HDAC8: variants seen among roughly 807,000 people sequenced by gnomAD.
The protein encoded by HDAC8 is histone deacetylase-like 1.
Under a neutral mutation model 32.2 loss-of-function variants are expected in HDAC8, and 1 was observed. The ratio of observed to expected loss-of-function variants is 0.03; its 90% CI spans 0.01 to 0.15. The LOEUF is 0.15. Ranked by LOEUF, HDAC8 falls within the 10% of genes least tolerant of loss-of-function variation. The pLI is 1.00. For synonymous variants in HDAC8, 108 were observed against 113.9 expected (o/e 0.95, Z 0.33); for missense variants, 117 against 300.0 (o/e 0.39, Z 4.51).
At chrX:72,495,410 A>C (rs1304930379) in intron 4 of HDAC8, 142 bp from the exon 5 acceptor site, 1 of 409,846 alleles carries the variant, frequency 2.4e-6, no homozygotes, top group Non-Finnish European at 4.2e-6. Flanking sequence ...TACAAAGATT[A>C]TAAGTAAATG....
Position 72,425,294 on chromosome X carries a change from CTT to C in HDAC8, c.1005+36708_1005+36709del, listed in dbSNP as rs781990752. The stretch of plus-strand genomic sequence containing the variant: ...TGGTTTCTAATAAGTTTTAAGTTGA[CTT>C]TTTTTTTGATTTGGCATTTGCTCAG... On this transcript the variant is annotated intron_variant, in intron 9 of 10. Transcript: ENST00000373573. Among the ~76,000 whole-genome samples the C allele has an allele frequency of 8.1e-3, 900 of 110,676 alleles. 14 individuals are homozygous for C. The highest frequency in any genetic ancestry group is 0.028 in the African/African-American group (853 of 30,515).
At chrX:72,342,061 A>C (rs2043901216) in intron 10 of HDAC8, among the ~76,000 whole-genome samples, 1 of 112,271 alleles carries the variant, frequency 8.9e-6, no homozygotes, top group Admixed American at 9.4e-5. Flanking sequence ...CATTGCTGCC[A>C]ATGGGCAAGC....
At chrX:72,562,577 G>A (rs1302997237) in intron 4 of HDAC8, among the ~76,000 whole-genome samples, 1 of 111,005 alleles carries the variant, frequency 9.0e-6, no homozygotes, top group Non-Finnish European at 1.9e-5. Context: ...TGGGTACAGT[G>A]TACACTGCTT....
chrX:72,513,789 T>C (rs2049678666), intron 4 of HDAC8, among the ~76,000 whole-genome samples: 1 of 112,033 alleles, frequency 8.9e-6, no homozygotes, highest in Non-Finnish European at 1.9e-5. Context: ...TGGAACAGAT[T>C]ATTTTAAAAA....
intron 9 of HDAC8, among the ~76,000 whole-genome samples, chrX:72,416,412 T>G (rs986816844): frequency 1.4e-5 from 1 of 68,995 alleles, no homozygotes; most frequent in African/African-American, 6.2e-5. Context: ...TTCTCTGTTT[T>G]TTTTTTTTTT....
intron 10 of HDAC8, among the ~76,000 whole-genome samples, chrX:72,339,161 C>T (rs1185618217): frequency 9.0e-6 from 1 of 111,589 alleles, no homozygotes; most frequent in Non-Finnish European, 1.9e-5. Context: ...TGCTGGCAGG[C>T]TCTGGTATCT....
chrX:72,553,557 G>A (rs2051162685), intron 4 of HDAC8, among the ~76,000 whole-genome samples: 1 of 111,541 alleles, frequency 9.0e-6, no homozygotes, highest in South Asian at 3.8e-4. Context: ...AGTAATAGAT[G>A]TTATCAAAGA....
intron 4 of HDAC8, among the ~76,000 whole-genome samples, chrX:72,534,317 T>A (rs782331355): frequency 0.015 from 1,387 of 89,713 alleles, 23 homozygotes; most frequent in African/African-American, 0.062. Context: ...ATATATATAT[T>A]TTTTTTTTTT....
intron 9 of HDAC8, among the ~76,000 whole-genome samples, chrX:72,371,248 T>C (rs1462562129): frequency 1.8e-5 from 2 of 111,915 alleles, no homozygotes; most frequent in Non-Finnish European, 3.8e-5. Flanking sequence ...AGCTGGGTGA[T>C]GGGTACATGG....
intron 4 of HDAC8, among the ~76,000 whole-genome samples, chrX:72,498,789 A>G (rs2049113944): frequency 9.0e-6 from 1 of 111,727 alleles, no homozygotes; most frequent in African/African-American, 3.2e-5. Context: ...TACATATAAT[A>G]CCCTCTCTTC....
At chrX:72,537,797 CTGCCCCTTATGCCTTACCTT>C (rs1252498781) in intron 4 of HDAC8, among the ~76,000 whole-genome samples, 5 of 112,339 alleles carry the variant, frequency 4.5e-5, no homozygotes, top group Non-Finnish European at 9.4e-5. Flanking sequence ...TGCCTTACCT[CTGCCCCTTATGCCTTACCTT>C]TGTCCTTAGT....
At chrX:72,458,597 C>T (rs1277919110) in intron 9 of HDAC8, among the ~76,000 whole-genome samples, 2 of 111,483 alleles carry the variant, frequency 1.8e-5, no homozygotes, top group Admixed American at 1.9e-4. Flanking sequence ...TAGAAGTTTC[C>T]CAATATGAAT....
intron 7 of HDAC8, among the ~76,000 whole-genome samples, chrX:72,472,493 G>C (rs925016223): frequency 2.7e-5 from 3 of 111,965 alleles, no homozygotes; most frequent in Non-Finnish European, 5.6e-5. Context: ...AATTGTGGGG[G>C]TTAATTTCTG....
chrX:72,351,038 T>A (rs1025440594), intron 10 of HDAC8, among the ~76,000 whole-genome samples: 1 of 111,827 alleles, frequency 8.9e-6, no homozygotes, highest in Non-Finnish European at 1.9e-5. Context: ...GATCAAGGAC[T>A]CATACATACT....
chrX:72,443,504 C>T (rs1222451797), intron 9 of HDAC8, among the ~76,000 whole-genome samples: 1 of 111,631 alleles, frequency 9.0e-6, no homozygotes, highest in African/African-American at 3.3e-5. Flanking sequence ...AGAGACACAA[C>T]ATACCAGAAT....
At chrX:72,357,275 A>T (rs1253222196) in intron 9 of HDAC8, among the ~76,000 whole-genome samples, 1 of 108,272 alleles carries the variant, frequency 9.2e-6, no homozygotes, top group African/African-American at 3.4e-5. Flanking sequence ...GTTGAGGGTC[A>T]GGATGCTGAT....
intron 10 of HDAC8, among the ~76,000 whole-genome samples, chrX:72,339,417 T>C (rs1476665532): frequency 8.9e-6 from 1 of 112,468 alleles, no homozygotes; most frequent in Non-Finnish European, 1.9e-5. Flanking sequence ...AGCAAGGTGA[T>C]ACAATTCTAG....
In HDAC8 at chrX:72,465,261, C is replaced by T. The variant is rs1263821936; in HGVS notation, c.738-530G>A. ...AAAAGGACTAAAGGGTTATGAAATGCAATCCTCCCTAATGCATATGTAACC... is the reference window on the plus strand; with the variant it reads ...AAAAGGACTAAAGGGTTATGAAATGTAATCCTCCCTAATGCATATGTAACC... On this transcript the variant is annotated intron_variant, in intron 7 of 10. Transcript: ENST00000373573. Among the ~76,000 whole-genome samples, 22 of 111,428 alleles carry T rather than the reference C, an allele frequency of 2.0e-4. No individual in the cohort carries two copies. The Admixed American group carries it at 2.1e-3, about 11-fold the overall frequency.
intron 4 of HDAC8, among the ~76,000 whole-genome samples, chrX:72,525,562 C>T (rs1365211601): frequency 9.1e-6 from 1 of 110,316 alleles, no homozygotes; most frequent in Non-Finnish European, 1.9e-5. Context: ...ACAAAAATCC[C>T]TGTCCTCTTG....
Sources: allele counts gnomAD v4.1 joint callset (sites outside exome capture counted in the v4.1 genomes callset), GRCh38; gene constraint gnomAD v4.1.1; transcripts MANE v1.5; gene names NCBI Gene and HGNC (gene_info 2026-07-23, HGNC 2026-07-21).